MGAT4B: variants seen among roughly 807,000 people sequenced by gnomAD.
MGAT4B encodes N-acetylglucosaminyltransferase IVb.
A neutral mutation model predicts 73.9 loss-of-function variants in MGAT4B; 38 were observed. The observed-to-expected ratio is 0.51, with a 90% CI of 0.40 to 0.67. MGAT4B has a LOEUF of 0.67. Ranked by LOEUF, MGAT4B falls within the 30% of genes least tolerant of loss-of-function variation. The pLI is 0.00. For synonymous variants in MGAT4B, 373 were observed against 313.5 expected (o/e 1.19, Z -2.01); for missense variants, 686 against 735.2 (o/e 0.93, Z 0.77).
intron 11 of MGAT4B, 95 bp from the exon 12 acceptor site, chr5:179,798,686 GC>G: frequency 2.2e-6 from 3 of 1,383,562 alleles, no homozygotes; most frequent in Non-Finnish European, 3.0e-6. Context: ...CGCCAGGAGG[GC>G]CCCCCAGGCA....
Position 179,798,256 on chromosome 5 carries a change from G to A in MGAT4B, c.1532C>T (p.Ala511Val). The A allele has an allele frequency of 6.2e-7, 1 of 1,611,630 alleles. No homozygotes were observed. Among genetic ancestry groups the A allele is most frequent in the Middle Eastern group, 1.7e-4 (1 of 6,058 alleles). Residue 511 changes from alanine (A) to valine (V), a missense_variant, in exon 14 of 15, where the codon GCA becomes GTA. Physicochemically the swap from Ala to Val is moderately conservative, Grantham distance 64. Transcript: ENST00000292591. ...LQIGSFYKGVAEGEVDPAFGP... is the reference protein window; with the variant it reads ...LQIGSFYKGVVEGEVDPAFGP... ...GAAGGCTGGGTCCACCTCTCCCTCTGCCACTCCCTTGTAGAAGGAGCCTGT... is the reference window on the plus strand; with the variant it reads ...GAAGGCTGGGTCCACCTCTCCCTCTACCACTCCCTTGTAGAAGGAGCCTGT...
rs1164048735 is a variant in MGAT4B, at chr5:179,799,494, G to C, written c.1041+12C>G. ...GGCCCTGCCCCTGCCAGTCCCGCCAGCTCTTGCTCACCGCATCCTTCTCGG... is the reference window on the plus strand; with the variant it reads ...GGCCCTGCCCCTGCCAGTCCCGCCACCTCTTGCTCACCGCATCCTTCTCGG... On this transcript the variant is annotated intron_variant, in intron 9 of 14. Transcript: ENST00000292591. 1.2e-6 allele frequency: 2 copies of C among 1,613,592 alleles called. No homozygotes were observed. The highest frequency in any genetic ancestry group is 2.7e-5 in the African/African-American group (2 of 74,940).
In MGAT4B at chr5:179,806,562, A is replaced by G; in HGVS notation, c.22T>C (p.Phe8Leu). 7.6e-7 allele frequency: 1 copy of G among 1,308,046 alleles called. No homozygotes were observed. The highest frequency in any genetic ancestry group is 1.0e-6 in the Non-Finnish European group (1 of 1,001,590). The allele number at this position is 1,308,046 out of a possible 1,614,324, so 81.0% of individuals were successfully genotyped here. A position where few individuals can be genotyped will look rare whatever the true frequency, so the allele number is the denominator to read the frequency against. MRLRNGTFLTLLLFCLCA... is the reference protein window; with the variant it reads MRLRNGTLLTLLLFCLCA... Reference sequence around the variant, plus strand: ...AGGCAGAAGAGCAGCAGCGTCAGGAAGGTGCCATTGCGGAGCCTCATCTCC... The same window carrying G: ...AGGCAGAAGAGCAGCAGCGTCAGGAGGGTGCCATTGCGGAGCCTCATCTCC... The change falls in exon 1 of 15, where the codon TTC becomes CTC. Residue 8 changes from phenylalanine (F) to leucine (L), a missense_variant. Around this residue, in one of 2 missense-constraint regions of MGAT4B, gnomAD observed 237 missense variants for 198.5 expected, o/e 1.19. Transcript: ENST00000292591. This position sits in a 1 kb window ranked among gnomAD's most constrained non-coding sequence, Gnocchi z 4.6.
In MGAT4B at chr5:179,801,989, C is replaced by T. The variant is rs548114496; in HGVS notation, c.98-20G>A. On this transcript the variant is annotated intron_variant, in intron 1 of 14. Coordinates refer to ENST00000292591, the MANE Select transcript of MGAT4B (RefSeq NM_014275.5). The surrounding 1 kb of genome is among the most constrained non-coding windows in gnomAD (Gnocchi z 4.8). Reference sequence around the variant, plus strand: ...CGTCGCCTGCAGGTGGTAGGCAAGCCGTCACGAGGGGGCGGTCTAGAGCCA... The same window carrying T: ...CGTCGCCTGCAGGTGGTAGGCAAGCTGTCACGAGGGGGCGGTCTAGAGCCA... 5.0e-6 allele frequency: 8 copies of T among 1,613,434 alleles called. No individual in the cohort carries two copies. Among genetic ancestry groups the T allele is most frequent in the African/African-American group, 4.0e-5 (3 of 75,046 alleles).
chr5:179,801,140 AGGGGGTGGCG>A lies in MGAT4B; in HGVS notation c.558+184_559-188del. 1 of 1,131,904 alleles carries A rather than the reference AGGGGGTGGCG, an allele frequency of 8.8e-7. No homozygotes were observed. The highest frequency in any genetic ancestry group is 2.6e-5 in the East Asian group (1 of 38,582). The allele number at this position is 1,131,904 out of a possible 1,614,324, so 70.1% of individuals were successfully genotyped here. A position where few individuals can be genotyped will look rare whatever the true frequency, so the allele number is the denominator to read the frequency against. ...TTTGGGACTCGCATGGCCAAGGACT[AGGGGGTGGCG>A]GGGGCGATGGGTAGGGGTAGAGGGT... On this transcript the variant is annotated intron_variant, in intron 4 of 14. Transcript: ENST00000292591. The surrounding 1 kb of genome is among the most constrained non-coding windows in gnomAD (Gnocchi z 4.8).
intron 1 of MGAT4B, among the ~76,000 whole-genome samples, chr5:179,805,990 C>G (rs2113445041): frequency 6.6e-6 from 1 of 152,056 alleles, no homozygotes; most frequent in East Asian, 1.9e-4. Flanking sequence ...CCCTCCCTCC[C>G]TCCCTCCCTC....
Position 179,798,463 on chromosome 5 carries a change from G to A in MGAT4B, c.1423-29C>T, listed in dbSNP as rs750019683. 10 of 1,612,992 alleles carry A rather than the reference G, an allele frequency of 6.2e-6. No individual in the cohort carries two copies. The South Asian group carries it at 7.7e-5, about 12-fold the overall frequency. On this transcript the variant is annotated intron_variant, in intron 12 of 14. Coordinates refer to ENST00000292591, the MANE Select transcript of MGAT4B (RefSeq NM_014275.5). ...GGGGCAGAATCAAGGGCTGAGGCAG[G>A]TGGTCACAGGAGGCCCGGCTTCAGT...
intron 1 of MGAT4B, 135 bp from the exon 2 acceptor site, chr5:179,802,104 C>A (rs777952530): frequency 1.3e-6 from 2 of 1,556,632 alleles, no homozygotes; most frequent in Non-Finnish European, 1.7e-6. Context: ...GCCTGCCACA[C>A]GTGACATAGC....
In MGAT4B at chr5:179,799,358, T is replaced by C. The variant is rs1218544940; in HGVS notation, c.1042-48A>G. 3 of 1,605,890 alleles carry C rather than the reference T, an allele frequency of 1.9e-6. No homozygotes were observed. In the Admixed American group the frequency reaches 5.1e-5, roughly 27 times the overall value. On this transcript the variant is annotated intron_variant, in intron 9 of 14. Coordinates refer to ENST00000292591, the MANE Select transcript of MGAT4B (RefSeq NM_014275.5). ...CAGGGCTCGGCTTAGCCCTCCTTCC[T>C]CAACACGGCCTCTCCTGGGGACTAC... is the stretch of plus-strand genomic sequence containing the variant.
chr5:179,806,595 C>T lies in MGAT4B; in HGVS notation c.-12G>A, dbSNP rs1757170936. 3.2e-6 allele frequency: 4 copies of T among 1,234,220 alleles called. No homozygotes were observed. The highest frequency in any genetic ancestry group is 3.4e-5 in the South Asian group (2 of 58,318). The allele number at this position is 1,234,220 out of a possible 1,614,324, so 76.5% of individuals were successfully genotyped here. A position where few individuals can be genotyped will look rare whatever the true frequency, so the allele number is the denominator to read the frequency against. The stretch of plus-strand genomic sequence containing the variant: ...TTGCGGAGCCTCATCTCCTCGGGTG[C>T]GCGGCGGGCGCCCGCGGGGCCGAGG... On this transcript the variant is annotated 5_prime_UTR_variant, in exon 1 of 15. Transcript: ENST00000292591. This position sits in a 1 kb window ranked among gnomAD's most constrained non-coding sequence, Gnocchi z 4.6.
chr5:179,806,324 A>G lies in MGAT4B; in HGVS notation c.97+163T>C, dbSNP rs549229353. On this transcript the variant is annotated intron_variant, in intron 1 of 14. Transcript: ENST00000292591. The surrounding 1 kb of genome is among the most constrained non-coding windows in gnomAD (Gnocchi z 4.6). ...CCGAGGAGAACGCCGCGGCTCCAGC[A>G]GCAAACAAGTGGGGGAGGGTGGGAG... 18 of 213,788 alleles carry G rather than the reference A, an allele frequency of 8.4e-5. No individual in the cohort carries two copies. Among genetic ancestry groups the G allele is most frequent in the Non-Finnish European group, 1.3e-4 (16 of 124,082 alleles). 13.2% of individuals were successfully genotyped at this position (213,788 alleles called of 1,614,324 possible).
Position 179,806,418 on chromosome 5 carries a change from C to T in MGAT4B, c.97+69G>A. The T allele has an allele frequency of 2.0e-6, 2 of 1,024,494 alleles. No homozygotes were observed. The highest frequency in any genetic ancestry group is 1.2e-6 in the Non-Finnish European group (1 of 831,770). The allele number at this position is 1,024,494 out of a possible 1,614,324, so 63.5% of individuals were successfully genotyped here. On this transcript the variant is annotated intron_variant, in intron 1 of 14. Transcript: ENST00000292591. The surrounding 1 kb of genome is among the most constrained non-coding windows in gnomAD (Gnocchi z 4.6). ...GGCTTCCGGCCGCCTTCCGCGGCCA[C>T]CGCCGGGCCCGCTCCCGCCGCCGAC...
intron 10 of MGAT4B, 22 bp downstream of exon 10, chr5:179,799,181 G>C: frequency 6.2e-7 from 1 of 1,613,980 alleles, no homozygotes; most frequent in Non-Finnish European, 8.5e-7. Context: ...CCGGCCTAGG[G>C]AGAGCGTGCA....
At position 179,806,590 on chromosome 5, in the gene MGAT4B, G is replaced by A. The variant is rs954112740; in HGVS notation, c.-7C>T. 8.0e-7 allele frequency: 1 copy of A among 1,248,584 alleles called. No homozygotes were observed. Among genetic ancestry groups the A allele is most frequent in the Non-Finnish European group, 1.0e-6 (1 of 967,620 alleles). 77.3% of individuals were successfully genotyped at this position (1,248,584 alleles called of 1,614,324 possible). On this transcript the variant is annotated 5_prime_UTR_variant, in exon 1 of 15. The change creates a premature stop within an existing upstream ORF in the 5' untranslated region. Coordinates refer to ENST00000292591, the MANE Select transcript of MGAT4B (RefSeq NM_014275.5). This position sits in a 1 kb window ranked among gnomAD's most constrained non-coding sequence, Gnocchi z 4.6. ...TGCCATTGCGGAGCCTCATCTCCTCGGGTGCGCGGCGGGCGCCCGCGGGGC... is the reference window on the plus strand; with the variant it reads ...TGCCATTGCGGAGCCTCATCTCCTCAGGTGCGCGGCGGGCGCCCGCGGGGC...
Position 179,799,435 on chromosome 5 carries a change from G to C in MGAT4B, c.1041+71C>G. ...TCTATGTGAGCAGATGCAAGGACAG[G>C]GACACAGTTTGGGGTGGAGGCTGCC... is the stretch of plus-strand genomic sequence containing the variant. On this transcript the variant is annotated intron_variant, in intron 9 of 14. Coordinates refer to ENST00000292591, the MANE Select transcript of MGAT4B (RefSeq NM_014275.5). 5 of 1,610,048 alleles carry C rather than the reference G, an allele frequency of 3.1e-6. No individual in the cohort carries two copies. In the South Asian group the frequency reaches 5.5e-5, roughly 18 times the overall value.
chr5:179,801,356 A>G lies in MGAT4B; in HGVS notation c.536T>C (p.Val179Ala). 4.3e-6 allele frequency: 7 copies of G among 1,612,048 alleles called. No individual in the cohort carries two copies. Among genetic ancestry groups the G allele is most frequent in the Non-Finnish European group, 5.9e-6 (7 of 1,179,198 alleles). ...ELSPQEKEDS[V>A]IVVLIAETDS... ...CGCCTCGGCGATCAGCACCACGATGACCGAGTCCTCCTTCTCCTGCGGGCT... is the reference window on the plus strand; with the variant it reads ...CGCCTCGGCGATCAGCACCACGATGGCCGAGTCCTCCTTCTCCTGCGGGCT... Residue 179 changes from valine to alanine, a missense_variant, in exon 4 of 15, where the codon GTC becomes GCC. This residue lies in a region of MGAT4B where 449 missense variants were observed against 536.8 expected (regional missense o/e 0.84). Transcript: ENST00000292591. This position sits in a 1 kb window ranked among gnomAD's most constrained non-coding sequence, Gnocchi z 4.8.
At chr5:179,799,838 A>G in intron 8 of MGAT4B, 116 bp downstream of exon 8, 1 of 1,255,778 alleles carries the variant, frequency 8.0e-7, no homozygotes, top group East Asian at 2.3e-5. Context: ...TGTAGCACGC[A>G]CACCAGGCAG....
chr5:179,803,083 C>A (rs920253940), intron 1 of MGAT4B: 22 of 985,414 alleles, frequency 2.2e-5, no homozygotes, highest in Admixed American at 1.2e-4. Flanking sequence ...TCAGGGCACA[C>A]CCCTTTCCGA....
At position 179,801,020 on chromosome 5, in the gene MGAT4B, G is replaced by A; in HGVS notation, c.559-67C>T. The A allele has an allele frequency of 1.3e-6, 2 of 1,571,596 alleles. No individual in the cohort carries two copies. Among genetic ancestry groups the A allele is most frequent in the Admixed American group, 1.7e-5 (1 of 59,704 alleles). On this transcript the variant is annotated intron_variant, in intron 4 of 14. Transcript: ENST00000292591. This position sits in a 1 kb window ranked among gnomAD's most constrained non-coding sequence, Gnocchi z 4.8. ...CCCAAAAGGCCTGGAAGGGCTTGGA[G>A]AAGGGGCACAGGCTTCAGATGCCCC... is the stretch of plus-strand genomic sequence containing the variant.
Sources: allele counts gnomAD v4.1 joint callset (sites outside exome capture counted in the v4.1 genomes callset), GRCh38; gene constraint gnomAD v4.1.1; regional missense constraint gnomAD v4.1.1; non-coding constraint Gnocchi (gnomAD v3.1); transcripts MANE v1.5; gene names NCBI Gene and HGNC (gene_info 2026-07-23, HGNC 2026-07-21).